Variants in NRXN3 observed in about 807,000 individuals in gnomAD.
NRXN3 encodes neurexin III.
NRXN3 carries 32 observed loss-of-function variants against 137.6 expected under a neutral mutation model. That is an observed-to-expected ratio of 0.23 (90% CI 0.18 to 0.31). The LOEUF (loss-of-function observed/expected upper bound fraction) is 0.31. Among genes scored for constraint, NRXN3 ranks in the 10% least tolerant of loss-of-function variants. The pLI, the probability that NRXN3 is intolerant of heterozygous loss-of-function variation, is 1.00. For missense variants in NRXN3, 1,574 were observed against 2,062.5 expected (o/e 0.76, Z 4.59); for synonymous variants, 798 against 784.5 (o/e 1.02, Z -0.29).
At chr14:79,768,228 G>T (rs1336580331) in intron 19 of NRXN3, among the ~76,000 whole-genome samples, 1 of 152,222 alleles carries the variant, frequency 6.6e-6, no homozygotes, top group Non-Finnish European at 1.5e-5. Context: ...GCTTGCTTAG[G>T]TAAACAAAGC....
chr14:79,601,187 T>C (rs1466412517), intron 16 of NRXN3, among the ~76,000 whole-genome samples: 7 of 151,770 alleles, frequency 4.6e-5, no homozygotes, highest in Admixed American at 1.3e-4. Context: ...AGATCACAGG[T>C]ACACGCCACC....
Position 79,467,350 on chromosome 14 carries a change from T to C in NRXN3, c.3392T>C (p.Leu1131Ser). 6.2e-7 allele frequency: 1 copy of C among 1,613,230 alleles called. No homozygotes were observed. The highest frequency in any genetic ancestry group is 8.5e-7 in the Non-Finnish European group (1 of 1,179,190). Residue 1131 changes from leucine to serine, a missense_variant, in exon 16 of 21, where the codon TTG (leucine) becomes TCG (serine). This residue lies in a region of NRXN3 where 133 missense variants were observed against 241.8 expected (regional missense o/e 0.55). Coordinates refer to ENST00000335750, the MANE Select transcript of NRXN3 (RefSeq NM_001330195.2). ...GFSTTVKDGI[L>S]VRIDSAPGLG... Reference sequence around the variant, plus strand: ...AGCACCACTGTGAAGGATGGCATCTTGGTCCGCATCGACAGTGCTCCAGGA... The same window carrying C: ...AGCACCACTGTGAAGGATGGCATCTCGGTCCGCATCGACAGTGCTCCAGGA...
At chr14:78,958,818 A>G (rs866585880) in intron 11 of NRXN3, among the ~76,000 whole-genome samples, 1 of 152,188 alleles carries the variant, frequency 6.6e-6, no homozygotes, top group Admixed American at 6.5e-5. Context: ...AACTTGCAGG[A>G]CGTTAGGAAA....
At chr14:79,042,863 G>C (rs562908380) in intron 15 of NRXN3, among the ~76,000 whole-genome samples, 1 of 152,112 alleles carries the variant, frequency 6.6e-6, no homozygotes, top group Admixed American at 6.5e-5. Context: ...ACTAGCACAA[G>C]AGAAACCAAT....
chr14:78,382,226 T>C (rs2089253851), intron 4 of NRXN3, among the ~76,000 whole-genome samples: 1 of 152,248 alleles, frequency 6.6e-6, no homozygotes, highest in African/African-American at 2.4e-5. Flanking sequence ...GGCTATACTT[T>C]GCATACTTTG....
intron 15 of NRXN3, among the ~76,000 whole-genome samples, chr14:79,461,571 G>A (rs781358482): frequency 9.2e-5 from 14 of 152,180 alleles, no homozygotes; most frequent in South Asian, 2.1e-4. Context: ...CAGATATTAC[G>A]AGATCCTTCA....
At chr14:78,812,534 C>T (rs2098917327) in intron 10 of NRXN3, among the ~76,000 whole-genome samples, 1 of 152,182 alleles carries the variant, frequency 6.6e-6, no homozygotes, top group South Asian at 2.1e-4. Context: ...CACACTTTCT[C>T]ATGAAGTCAA....
intron 10 of NRXN3, among the ~76,000 whole-genome samples, chr14:78,916,051 T>C (rs2099254507): frequency 6.6e-6 from 1 of 152,078 alleles, no homozygotes; most frequent in Admixed American, 6.5e-5. Flanking sequence ...CTTGGGAGTC[T>C]TGAGTGTCTT....
At chr14:78,355,757 A>T (rs1200832106) in intron 4 of NRXN3, among the ~76,000 whole-genome samples, 1 of 152,210 alleles carries the variant, frequency 6.6e-6, no homozygotes, top group Non-Finnish European at 1.5e-5. Context: ...TCTACCTAGA[A>T]TGCTTTTCCT....
chr14:78,631,593 T>C (rs1229912537), intron 4 of NRXN3, among the ~76,000 whole-genome samples: 1 of 152,232 alleles, frequency 6.6e-6, no homozygotes, highest in Non-Finnish European at 1.5e-5. Flanking sequence ...ACTAAACCAA[T>C]TTGAGTGTTC....
intron 4 of NRXN3, among the ~76,000 whole-genome samples, chr14:78,336,262 G>A (rs2081454577): frequency 2.0e-5 from 3 of 152,270 alleles, no homozygotes; most frequent in East Asian, 1.9e-4. Context: ...CTTGGAATTG[G>A]TCTGATTATC....
chr14:79,326,247 T>G (rs142744398), intron 15 of NRXN3, among the ~76,000 whole-genome samples: 21 of 152,334 alleles, frequency 1.4e-4, no homozygotes, highest in African/African-American at 4.8e-4. Context: ...CTTAAGGACC[T>G]TAGTGCATAA....
Position 79,387,070 on chromosome 14 carries a change from A to C in NRXN3, c.3263-80151A>C, listed in dbSNP as rs1039229874. On this transcript the variant is annotated intron_variant, in intron 15 of 20. Transcript: ENST00000335750. ...AGGACTTCATGTCTAAAACACCAAA[A>C]GCAATGGCAACAAAAGACAAAATTG... Among the ~76,000 whole-genome samples, 1,301 of 152,248 alleles carry C rather than the reference A, an allele frequency of 8.5e-3. 14 individuals are homozygous for C. Among genetic ancestry groups the C allele is most frequent in the African/African-American group, 0.03 (1,227 of 41,546 alleles).
intron 16 of NRXN3, among the ~76,000 whole-genome samples, chr14:79,481,940 G>A (rs905743214): frequency 6.6e-6 from 1 of 152,092 alleles, no homozygotes; most frequent in Non-Finnish European, 1.5e-5. Context: ...GGGCCCAGGT[G>A]GGGGACATCT....
At position 79,726,903 on chromosome 14, in the gene NRXN3, C is replaced by G. The variant is rs78805932; in HGVS notation, c.4014+28966C>G. The stretch of plus-strand genomic sequence containing the variant: ...TGGGGGAAAGAGACCGCTTTGAGGT[C>G]AAGCAGACCTATGTCCAATTCTAAC... On this transcript the variant is annotated intron_variant, in intron 19 of 20. Coordinates refer to ENST00000335750, the MANE Select transcript of NRXN3 (RefSeq NM_001330195.2). Among the ~76,000 whole-genome samples, 52 of 152,146 alleles carry G rather than the reference C, an allele frequency of 3.4e-4. No individual in the cohort carries two copies. In the East Asian group the frequency reaches 9.5e-3, roughly 28 times the overall value.
In NRXN3 at chr14:79,192,139, G is replaced by A. The variant is rs148588019; in HGVS notation, c.3262+203998G>A. The stretch of plus-strand genomic sequence containing the variant: ...CCTGACCTTGTGATCTGCCCACCTC[G>A]GCCTCCCAAAGTGCTGGGATTACAG... On this transcript the variant is annotated intron_variant, in intron 15 of 20. Transcript: ENST00000335750. Among the ~76,000 whole-genome samples, 268 of 152,162 alleles carry A rather than the reference G, an allele frequency of 1.8e-3. 2 individuals are homozygous for A. Among genetic ancestry groups the A allele is most frequent in the African/African-American group, 6.0e-3 (249 of 41,500 alleles).
intron 15 of NRXN3, among the ~76,000 whole-genome samples, chr14:79,208,209 A>G (rs1371812625): frequency 6.6e-6 from 1 of 152,234 alleles, no homozygotes; most frequent in Non-Finnish European, 1.5e-5. Context: ...TTCTGGAGAC[A>G]AAGCTAACTC....
chr14:79,379,223 T>C (rs2094395357), intron 15 of NRXN3, among the ~76,000 whole-genome samples: 1 of 152,224 alleles, frequency 6.6e-6, no homozygotes, highest in African/African-American at 2.4e-5. Context: ...GAGCTGAGTA[T>C]ACTGTATAGT....
chr14:78,769,204 T>C (rs2098718996), intron 8 of NRXN3, among the ~76,000 whole-genome samples: 1 of 152,248 alleles, frequency 6.6e-6, no homozygotes, highest in South Asian at 2.1e-4. Context: ...CAAAGGATTT[T>C]GAAGCTCTTG....
Sources: allele counts gnomAD v4.1 joint callset (sites outside exome capture counted in the v4.1 genomes callset), GRCh38; gene constraint gnomAD v4.1.1; regional missense constraint gnomAD v4.1.1; transcripts MANE v1.5; gene names NCBI Gene and HGNC (gene_info 2026-07-23, HGNC 2026-07-21).